Variants in DPYS observed in about 807,000 individuals in gnomAD.
DPYS encodes dihydropyrimidine amidohydrolase.
DPYS carries 39 observed loss-of-function variants against 50.3 expected under a neutral mutation model. That is an observed-to-expected ratio of 0.78 (90% CI 0.60 to 1.01). The LOEUF is 1.01. DPYS is among the 50% of genes least tolerant of loss of function. DPYS has a pLI of 0.00. For synonymous variants in DPYS, 245 were observed against 250.7 expected, an observed-to-expected ratio of 0.98 and a Z score of 0.22; for missense variants, 659 against 680.9, an observed-to-expected ratio of 0.97 and a Z score of 0.36.
chr8:104,442,139 T>C (rs2140696235), intron 4 of DPYS, among the ~76,000 whole-genome samples: 1 of 152,338 alleles, frequency 6.6e-6, no homozygotes, highest in Middle Eastern at 3.4e-3. Context: ...ATATATAATT[T>C]TGACTCTTGG....
chr8:104,457,571 A>C (rs548474939), intron 1 of DPYS, among the ~76,000 whole-genome samples: 1 of 152,268 alleles, frequency 6.6e-6, no homozygotes, highest in South Asian at 2.1e-4. Context: ...AAAACAAGTG[A>C]CTTTGTTTCA....
chr8:104,405,031 G>GA (rs946309255), intron 7 of DPYS, among the ~76,000 whole-genome samples: 19 of 144,646 alleles, frequency 1.3e-4, no homozygotes, highest in African/African-American at 2.3e-4. Flanking sequence ...CCACAAATAA[G>GA]AAAAAAAAAC....
rs60350294 is a variant in DPYS, at chr8:104,464,935, G to C, written c.264+1722C>G. 2.4e-3 allele frequency among the ~76,000 whole-genome samples: 365 copies of C among 152,246 alleles called. 2 individuals carry two copies. The highest frequency in any genetic ancestry group is 8.0e-3 in the African/African-American group (331 of 41,562). ...GGGAAAAATGAATAAACAAAACAAA[G>C]TTTGCTAATTTTCAAACCATACAAC... On this transcript the variant is annotated intron_variant, in intron 1 of 9. Transcript: ENST00000351513.
intron 7 of DPYS, among the ~76,000 whole-genome samples, chr8:104,401,686 G>A (rs753436052): frequency 2.0e-5 from 3 of 152,176 alleles, no homozygotes; most frequent in Non-Finnish European, 4.4e-5. Flanking sequence ...CATTCTTGAT[G>A]TAATCACCAT....
At chr8:104,418,322 T>A (rs1024001463) in intron 7 of DPYS, among the ~76,000 whole-genome samples, 4 of 152,080 alleles carry the variant, frequency 2.6e-5, no homozygotes, top group Non-Finnish European at 4.4e-5. Context: ...TGTAGGAAAA[T>A]TTGGGCCAAC....
At chr8:104,455,817 T>C (rs754007039) in intron 1 of DPYS, among the ~76,000 whole-genome samples, 4 of 152,158 alleles carry the variant, frequency 2.6e-5, no homozygotes, top group Admixed American at 1.3e-4. Flanking sequence ...TTCTAGGTGG[T>C]ATAATTCCAG....
At chr8:104,384,612 C>A (rs1391795104) in intron 8 of DPYS, among the ~76,000 whole-genome samples, 3 of 152,214 alleles carry the variant, frequency 2.0e-5, no homozygotes, top group Non-Finnish European at 4.4e-5. Context: ...CTGACACAGA[C>A]CCCAGCATAT....
intron 8 of DPYS, among the ~76,000 whole-genome samples, chr8:104,389,514 G>A (rs1210001728): frequency 6.7e-6 from 1 of 149,846 alleles, no homozygotes; most frequent in Non-Finnish European, 1.5e-5. Context: ...CATGATTTGG[G>A]TTTCATGACT....
chr8:104,415,501 A>G lies in DPYS; in HGVS notation c.1235+8746T>C, dbSNP rs147520360. Among the ~76,000 whole-genome samples the G allele has an allele frequency of 2.5e-3, 382 of 152,328 alleles. 1 individual carries two copies. The highest frequency in any genetic ancestry group is 8.6e-3 in the African/African-American group (359 of 41,576). The stretch of plus-strand genomic sequence containing the variant: ...AGTTGCATAAAAATATGTTTAAATA[A>G]ACAACTTGGAATAAAGAGTGGTTAA... On this transcript the variant is annotated intron_variant, in intron 7 of 9. Coordinates refer to ENST00000351513, the MANE Select transcript of DPYS (RefSeq NM_001385.3).
intron 7 of DPYS, among the ~76,000 whole-genome samples, chr8:104,406,599 C>T (rs1812003754): frequency 6.6e-6 from 1 of 152,210 alleles, no homozygotes; most frequent in Non-Finnish European, 1.5e-5. Flanking sequence ...CCCTGTGGGG[C>T]TCCAGCTCAT....
chr8:104,445,788 G>A (rs1289655233), intron 3 of DPYS, among the ~76,000 whole-genome samples: 1 of 152,220 alleles, frequency 6.6e-6, no homozygotes, highest in Non-Finnish European at 1.5e-5. Context: ...GCTCACGCCT[G>A]TAATCCGAGC....
Position 104,453,334 on chromosome 8 carries a change from G to C in DPYS, c.265-1930C>G, listed in dbSNP as rs186373516. 2.0e-4 allele frequency among the ~76,000 whole-genome samples: 30 copies of C among 152,118 alleles called. No individual in the cohort carries two copies. In the East Asian group the frequency reaches 5.2e-3, roughly 26 times the overall value. ...AAAATACTAGGAAAAAAATTCCTCA[G>C]GCTTTGTATTTTTATTTGAATACAG... On this transcript the variant is annotated intron_variant, in intron 1 of 9. Coordinates refer to ENST00000351513, the MANE Select transcript of DPYS (RefSeq NM_001385.3).
chr8:104,441,863 C>A (rs1231314935), intron 4 of DPYS, among the ~76,000 whole-genome samples: 1 of 152,164 alleles, frequency 6.6e-6, no homozygotes, highest in African/African-American at 2.4e-5. Flanking sequence ...CAGTAGCATA[C>A]CCTGCACTTA....
intron 1 of DPYS, among the ~76,000 whole-genome samples, chr8:104,464,940 CT>C (rs1564118774): frequency 6.6e-6 from 1 of 152,154 alleles, no homozygotes; most frequent in Non-Finnish European, 1.5e-5. Context: ...ACAAAGTTTG[CT>C]AATTTTCAAA....
At chr8:104,465,887 C>G (rs1814361815) in intron 1 of DPYS, among the ~76,000 whole-genome samples, 1 of 152,068 alleles carries the variant, frequency 6.6e-6, no homozygotes, top group African/African-American at 2.4e-5. Context: ...TACCCTCCTG[C>G]AACATCAGTA....
At chr8:104,449,755 A>C (rs979577921) in intron 2 of DPYS, among the ~76,000 whole-genome samples, 1 of 152,236 alleles carries the variant, frequency 6.6e-6, no homozygotes, top group African/African-American at 2.4e-5. Flanking sequence ...AAGGAATGCC[A>C]AAGGTTGTCA....
chr8:104,425,813 G>A (rs1223875137), intron 6 of DPYS, among the ~76,000 whole-genome samples: 1 of 152,080 alleles, frequency 6.6e-6, no homozygotes, highest in African/African-American at 2.4e-5. Flanking sequence ...TATGGTAAGA[G>A]GGTACTAAAG....
chr8:104,450,666 T>C (rs1813706871), intron 2 of DPYS, among the ~76,000 whole-genome samples: 1 of 152,184 alleles, frequency 6.6e-6, no homozygotes, highest in Non-Finnish European at 1.5e-5. Flanking sequence ...TATGAAATCA[T>C]CTGACCAGGT....
At chr8:104,424,509 G>C in intron 6 of DPYS, 120 bp from the exon 7 acceptor site, 2 of 1,039,432 alleles carry the variant, frequency 1.9e-6, no homozygotes, top group South Asian at 1.4e-5. Context: ...TTATATTGTA[G>C]AGCATCTGAG....
Sources: gnomAD v4.1 joint callset for allele counts (sites outside exome capture counted in the v4.1 genomes callset) on GRCh38, gnomAD v4.1.1 for gene constraint, MANE v1.5 for transcripts, NCBI Gene and HGNC (gene_info 2026-07-23, HGNC 2026-07-21) for gene names.